PAQR9: variants seen among roughly 807,000 people sequenced by gnomAD.
PAQR9 encodes the protein membrane progestin receptor epsilon.
A neutral mutation model predicts 24.0 loss-of-function variants in PAQR9; 12 were observed. The ratio of observed to expected loss-of-function variants is 0.50; its 90% CI spans 0.32 to 0.81. The LOEUF is 0.81. Ranked by LOEUF, PAQR9 falls within the 30% of genes least tolerant of loss-of-function variation. The probability of loss-of-function intolerance (pLI) is 0.03; values close to 1 mark genes in which losing one functional copy is unlikely to be tolerated. For synonymous variants in PAQR9, 266 were observed against 237.6 expected (o/e 1.12, Z -1.10); for missense variants, 418 against 520.8 (o/e 0.80, Z 1.92).
At position 142,962,733 on chromosome 3, in the gene PAQR9, A is replaced by G. The variant is rs776649198; in HGVS notation, c.604T>C (p.Cys202Arg). The G allele has an allele frequency of 3.7e-6, 6 of 1,612,612 alleles. No homozygotes were observed. Among genetic ancestry groups the G allele is most frequent in the African/African-American group, 1.3e-5 (1 of 75,062 alleles). Residue 202 changes from cysteine (C) to arginine (R), a missense_variant, in exon 1 of 1, where the codon TGC becomes CGC. Cys to Arg is a radical substitution (Grantham distance 180). This residue lies in a region of PAQR9 where 230 missense variants were observed against 305.2 expected (regional missense o/e 0.75). Transcript: ENST00000340634. Reference sequence around the variant, plus strand: ...CGGTAGGCGGCGATAAGGCGCGTGCAGTCCACGTGCCAGCCCAGGCGCTGC... The same window carrying G: ...CGGTAGGCGGCGATAAGGCGCGTGCGGTCCACGTGCCAGCCCAGGCGCTGC... ...LQQRLGWHVDCTRLIAAYRAL... is the reference protein window; with the variant it reads ...LQQRLGWHVDRTRLIAAYRAL...
chr3:142,950,336 GCT>G (rs1452241404), downstream of PAQR9: 5 of 165,190 alleles, frequency 3.0e-5, no homozygotes, highest in Non-Finnish European at 5.3e-5. Context: ...GTGGGTTCCT[GCT>G]CTGTTAAATT....
chr3:142,962,842 G>A lies in PAQR9; in HGVS notation c.495C>T (p.Gly165=). 1 of 1,613,428 alleles carries A rather than the reference G, an allele frequency of 6.2e-7. No individual in the cohort carries two copies. Among genetic ancestry groups the A allele is most frequent in the Non-Finnish European group, 8.5e-7 (1 of 1,179,974 alleles). ...YLDYASISYY[G]FGSTVAYYYY... The stretch of plus-strand genomic sequence containing the variant: ...AGTAGTAGGCCACCGTGCTGCCGAA[G>A]CCGTAGTAGCTGATGGACGCGTAGT... The change falls in exon 1 of 1, where the codon GGC becomes GGT. Residue 165 remains glycine, a synonymous_variant. Coordinates refer to ENST00000340634, the MANE Select transcript of PAQR9 (RefSeq NM_198504.4).
At chr3:142,949,213 TG>T (rs1934683545) in exon 3 of PAQR9, 1 of 152,264 alleles carries the variant, frequency 6.6e-6, no homozygotes, top group Non-Finnish European at 1.5e-5. Context: ...TCCTTAAACC[TG>T]TTTCCTTTTG....
chr3:142,952,055 G>C (rs1274783574), downstream of PAQR9, among the ~76,000 whole-genome samples: 1 of 149,178 alleles, frequency 6.7e-6, no homozygotes, highest in Non-Finnish European at 1.5e-5. Flanking sequence ...GAAGGGGGGG[G>C]GGTGTTGTTA....
rs1934872535 is a variant in PAQR9 at position 142,960,527 on chromosome 3, C to G, written c.*1676G>C. 6.6e-6 allele frequency: 1 copy of G among 152,636 alleles called. No individual in the cohort carries two copies. The highest frequency in any genetic ancestry group is 6.5e-5 in the Admixed American group (1 of 15,270). 9.5% of individuals were successfully genotyped at this position (152,636 alleles called of 1,614,324 possible). ...GGCTGGGTATGAGGGCCACCCACTC[C>G]TCCTGCTGAGCCAGTAAAGGCACAC... On this transcript the variant is annotated 3_prime_UTR_variant, in exon 1 of 1. Coordinates refer to ENST00000340634, the MANE Select transcript of PAQR9 (RefSeq NM_198504.4).
chr3:142,958,979 G>A lies in PAQR9; in HGVS notation c.*3224C>T, dbSNP rs1025470814. Reference sequence around the variant, plus strand: ...ACCAACCCACGGGGTGACAGGCACCGAAGTCAAACACCTTCATTTTCCAGG... The same window carrying A: ...ACCAACCCACGGGGTGACAGGCACCAAAGTCAAACACCTTCATTTTCCAGG... On this transcript the variant is annotated 3_prime_UTR_variant, in exon 1 of 1. Coordinates refer to ENST00000340634, the MANE Select transcript of PAQR9 (RefSeq NM_198504.4). Among the ~76,000 whole-genome samples the A allele has an allele frequency of 5.9e-5, 9 of 152,114 alleles. No individual in the cohort carries two copies. The highest frequency in any genetic ancestry group is 2.1e-4 in the South Asian group (1 of 4,826).
downstream of PAQR9, chr3:142,949,845 G>T (rs1934690384): frequency 6.6e-6 from 1 of 152,076 alleles, no homozygotes; most frequent in East Asian, 1.9e-4. Flanking sequence ...ATTAAGTGTA[G>T]GTTACACCTT....
downstream of PAQR9, chr3:142,951,515 T>C (rs1934710336): frequency 1.2e-5 from 4 of 347,358 alleles, no homozygotes; most frequent in South Asian, 8.7e-5. Flanking sequence ...GCTTACCTGA[T>C]ATATCAGTTT....
rs1470980007 is a variant in PAQR9, at chr3:142,957,084, A to G, written c.*5119T>C. ...GAAAATGATTCAAAAGGTGATGTAC[A>G]ATTGGCTGGTGCTATCCCGTAATGC... On this transcript the variant is annotated 3_prime_UTR_variant, in exon 1 of 1. Coordinates refer to ENST00000340634, the MANE Select transcript of PAQR9 (RefSeq NM_198504.4). Among the ~76,000 whole-genome samples, 1 of 152,196 alleles carries G rather than the reference A, an allele frequency of 6.6e-6. No individual in the cohort carries two copies. The highest frequency in any genetic ancestry group is 1.5e-5 in the Non-Finnish European group (1 of 68,044).
rs973624318 is a variant in PAQR9 at position 142,957,287 on chromosome 3, A to G, written c.*4916T>C. Among the ~76,000 whole-genome samples, 3 of 152,232 alleles carry G rather than the reference A, an allele frequency of 2.0e-5. No homozygotes were observed. In the East Asian group the frequency reaches 5.8e-4, roughly 29 times the overall value. On this transcript the variant is annotated 3_prime_UTR_variant, in exon 1 of 1. Coordinates refer to ENST00000340634, the MANE Select transcript of PAQR9 (RefSeq NM_198504.4). ...TCGAACACTAACACCCTGGGAGTTC[A>G]CATGCTTTTCTAAGGACAAAATTTA... is the stretch of plus-strand genomic sequence containing the variant.
rs1002528917 is a variant in PAQR9, at chr3:142,958,866, A to G, written c.*3337T>C. Among the ~76,000 whole-genome samples the G allele has an allele frequency of 6.6e-6, 1 of 152,190 alleles. No individual in the cohort carries two copies. The highest frequency in any genetic ancestry group is 1.5e-5 in the Non-Finnish European group (1 of 68,030). On this transcript the variant is annotated 3_prime_UTR_variant, in exon 1 of 1. Transcript: ENST00000340634. ...AGGAACTCATTTCCTCTCTCTGGGA[A>G]GGTCATCCTCTTCACCTGAGCTGCA...
rs1466217355 is a variant in PAQR9, at chr3:142,963,412, G to T, written c.-76C>A. 9.3e-7 allele frequency: 1 copy of T among 1,069,874 alleles called. No homozygotes were observed. Among genetic ancestry groups the T allele is most frequent in the Non-Finnish European group, 1.1e-6 (1 of 887,134 alleles). The allele number at this position is 1,069,874 out of a possible 1,614,324, so 66.3% of individuals were successfully genotyped here. The stretch of plus-strand genomic sequence containing the variant: ...CCCGGGCGCTGGGCAGCCCCCGCCG[G>T]CCGCCGTCGGAGCCTTTGTGCCCAC... On this transcript the variant is annotated 5_prime_UTR_variant, in exon 1 of 1. Transcript: ENST00000340634.
At position 142,963,636 on chromosome 3, in the gene PAQR9, G is replaced by GGCGCGGCTGACTGCGGCGGCA. The variant is rs888257314; in HGVS notation, c.-321_-301dup. ...CCGCCCGCGCTGCGGCAGCGGCGGC[G>GGCGCGGCTGACTGCGGCGGCA]GCGCGGCTGACTGCGGCGGCAGCGC... On this transcript the variant is annotated 5_prime_UTR_variant, in exon 1 of 1. Transcript: ENST00000340634. 6 of 681,182 alleles carry GGCGCGGCTGACTGCGGCGGCA rather than the reference G, an allele frequency of 8.8e-6. No homozygotes were observed. In the East Asian group the frequency reaches 5.5e-4, roughly 62 times the overall value. The allele number at this position is 681,182 out of a possible 1,614,324, so 42.2% of individuals were successfully genotyped here. A position where few individuals can be genotyped will look rare whatever the true frequency, so the allele number is the denominator to read the frequency against.
At chr3:142,953,156 G>T (rs1018918841), downstream of PAQR9, among the ~76,000 whole-genome samples, 1 of 152,118 alleles carries the variant, frequency 6.6e-6, no homozygotes, top group Non-Finnish European at 1.5e-5. Flanking sequence ...CATTAGAAAT[G>T]GTATGCTGTT....
chr3:142,953,412 G>A (rs562621877), downstream of PAQR9, among the ~76,000 whole-genome samples: 12 of 152,258 alleles, frequency 7.9e-5, no homozygotes, highest in East Asian at 1.2e-3. Context: ...TAAGGAAAGC[G>A]TATATAAAAA....
At position 142,962,436 on chromosome 3, in the gene PAQR9, G is replaced by A; in HGVS notation, c.901C>T (p.Pro301Ser). The A allele has an allele frequency of 6.2e-7, 1 of 1,614,048 alleles. No individual in the cohort carries two copies. Among genetic ancestry groups the A allele is most frequent in the Non-Finnish European group, 8.5e-7 (1 of 1,180,018 alleles). The change falls in exon 1 of 1, where the codon CCG becomes TCG. Residue 301 changes from proline to serine, a missense_variant. By Grantham distance (74) the Pro-to-Ser change is moderately conservative. Around this residue, in one of 3 missense-constraint regions of PAQR9, gnomAD observed 230 missense variants for 305.2 expected, o/e 0.75. Coordinates refer to ENST00000340634, the MANE Select transcript of PAQR9 (RefSeq NM_198504.4). ...NVSKIPERIQ[P>S]GLFDIIGHSH... ...TGGCCGATAATGTCGAAAAGACCCG[G>A]CTGGATGCGCTCGGGGATCTTGCTC...
rs997936403 is a variant in PAQR9 at position 142,963,344 on chromosome 3, G to C, written c.-8C>G. Reference sequence around the variant, plus strand: ...CTGCAGGCGCCGCGGCATGGTGCCCGGGGCTCGGCTAGGGCGCGCGCAGGC... The same window carrying C: ...CTGCAGGCGCCGCGGCATGGTGCCCCGGGCTCGGCTAGGGCGCGCGCAGGC... On this transcript the variant is annotated 5_prime_UTR_variant, in exon 1 of 1. Coordinates refer to ENST00000340634, the MANE Select transcript of PAQR9 (RefSeq NM_198504.4). The C allele has an allele frequency of 7.6e-6, 10 of 1,323,472 alleles. No homozygotes were observed. The Admixed American group carries it at 2.7e-4, about 36-fold the overall frequency. 82.0% of individuals were successfully genotyped at this position (1,323,472 alleles called of 1,614,324 possible). A position where few individuals can be genotyped will look rare whatever the true frequency, so the allele number is the denominator to read the frequency against.
chr3:142,955,427 A>G lies in PAQR9; in HGVS notation c.*6776T>C, dbSNP rs549353522. Reference sequence around the variant, plus strand: ...AATGAAGAGAGTTCAGAGCGACCACATGGTCTATACAAATTAAAAAAAAAA... The same window carrying G: ...AATGAAGAGAGTTCAGAGCGACCACGTGGTCTATACAAATTAAAAAAAAAA... On this transcript the variant is annotated 3_prime_UTR_variant, in exon 1 of 1. Coordinates refer to ENST00000340634, the MANE Select transcript of PAQR9 (RefSeq NM_198504.4). Among the ~76,000 whole-genome samples, 2 of 132,710 alleles carry G rather than the reference A, an allele frequency of 1.5e-5. No individual in the cohort carries two copies. The highest frequency in any genetic ancestry group is 5.7e-5 in the African/African-American group (2 of 34,944). 87.1% of individuals were successfully genotyped at this position (132,710 alleles called of 152,430 possible).
rs1274640587 is a variant in PAQR9, at chr3:142,960,873, C to T, written c.*1330G>A. 2 of 152,246 alleles carry T rather than the reference C, an allele frequency of 1.3e-5. No individual in the cohort carries two copies. The highest frequency in any genetic ancestry group is 6.5e-5 in the Admixed American group (1 of 15,284). The allele number at this position is 152,246 out of a possible 1,614,324, so 9.4% of individuals were successfully genotyped here. On this transcript the variant is annotated 3_prime_UTR_variant, in exon 1 of 1. Coordinates refer to ENST00000340634, the MANE Select transcript of PAQR9 (RefSeq NM_198504.4). ...ACTAGGCAAGTGTAATCTTATTTAA[C>T]TCAAAATTTTCAGTGACAACTCAAT... is the stretch of plus-strand genomic sequence containing the variant.
Sources: gnomAD v4.1 joint callset for allele counts (sites outside exome capture counted in the v4.1 genomes callset) on GRCh38, gnomAD v4.1.1 for gene constraint, gnomAD v4.1.1 regional missense constraint, MANE v1.5 for transcripts, NCBI Gene and HGNC (gene_info 2026-07-23, HGNC 2026-07-21) for gene names.